KCNH5: variants seen among roughly 807,000 people sequenced by gnomAD.
KCNH5 encodes the protein potassium voltage-gated channel subfamily H member 5.
A neutral mutation model predicts 96.1 loss-of-function variants in KCNH5; 46 were observed. The ratio of observed to expected loss-of-function variants is 0.48; its 90% CI spans 0.38 to 0.61. The LOEUF (loss-of-function observed/expected upper bound fraction) is 0.61. Among genes scored for constraint, KCNH5 ranks in the 20% least tolerant of loss-of-function variants. The probability of loss-of-function intolerance (pLI) is 0.00; values close to 1 mark genes in which losing one functional copy is unlikely to be tolerated. For synonymous variants in KCNH5, 439 were observed against 449.8 expected, an observed-to-expected ratio of 0.98 and a Z score of 0.30; for missense variants, 907 against 1,225.8, an observed-to-expected ratio of 0.74 and a Z score of 3.88.
chr14:62,712,565 A>G, intron 10 of KCNH5: 1 of 704,946 alleles, frequency 1.4e-6, no homozygotes, highest in South Asian at 1.6e-5. Flanking sequence ...AGTCTTAACC[A>G]TTCCACTCTC....
intron 7 of KCNH5, among the ~76,000 whole-genome samples, chr14:62,867,522 C>T (rs1034690406): frequency 1.4e-4 from 21 of 152,190 alleles, no homozygotes; most frequent in African/African-American, 4.6e-4. Context: ...ACCATCCATG[C>T]TCAACCCATC....
At chr14:62,785,700 A>T (rs1244381764) in intron 9 of KCNH5, among the ~76,000 whole-genome samples, 6 of 152,198 alleles carry the variant, frequency 3.9e-5, no homozygotes, top group Non-Finnish European at 8.8e-5. Flanking sequence ...ATTGTTAAAG[A>T]CTCATATAGT....
chr14:62,911,561 A>C (rs1363278891), intron 7 of KCNH5, among the ~76,000 whole-genome samples: 1 of 152,142 alleles, frequency 6.6e-6, no homozygotes, highest in African/African-American at 2.4e-5. Context: ...ATATATTACA[A>C]AGATATAAGA....
intron 7 of KCNH5, among the ~76,000 whole-genome samples, chr14:62,883,500 A>G (rs1391558827): frequency 6.6e-6 from 1 of 152,208 alleles, no homozygotes; most frequent in Non-Finnish European, 1.5e-5. Context: ...ACACTTTAAA[A>G]TCAGGATGCT....
chr14:62,720,040 A>T (rs913285567), intron 10 of KCNH5, among the ~76,000 whole-genome samples: 2 of 152,220 alleles, frequency 1.3e-5, no homozygotes, highest in Non-Finnish European at 2.9e-5. Context: ...AGAAAAATAA[A>T]GTATAAGGAC....
chr14:62,722,344 C>A (rs1884833318), intron 10 of KCNH5, among the ~76,000 whole-genome samples: 1 of 151,892 alleles, frequency 6.6e-6, no homozygotes, highest in Non-Finnish European at 1.5e-5. Context: ...CTAAATACTA[C>A]AAATGGATCA....
intron 7 of KCNH5, among the ~76,000 whole-genome samples, chr14:62,874,972 T>G (rs912557708): frequency 7.1e-6 from 1 of 141,236 alleles, no homozygotes; most frequent in Non-Finnish European, 1.5e-5. Flanking sequence ...CTCCTTAAGC[T>G]GATAAGCAAC....
rs1566682719 is a variant in KCNH5, at chr14:62,853,478, T to TC, written c.1370-3627_1370-3626insG. ...AATCATATATATATATATATATATA[T>TC]ATCATATATATATATAATCTTGGCC... On this transcript the variant is annotated intron_variant, in intron 7 of 10. Transcript: ENST00000322893. 1.6e-4 allele frequency among the ~76,000 whole-genome samples: 16 copies of TC among 101,064 alleles called. 1 individual carries two copies. The highest frequency in any genetic ancestry group is 4.5e-4 in the Admixed American group (4 of 8,936). 66.3% of individuals were successfully genotyped at this position (101,064 alleles called of 152,430 possible).
chr14:63,028,685 G>T (rs1176122223), intron 1 of KCNH5, among the ~76,000 whole-genome samples: 1 of 152,138 alleles, frequency 6.6e-6, no homozygotes, highest in African/African-American at 2.4e-5. Flanking sequence ...ACTGCAGGGA[G>T]AACTAACTCT....
At chr14:62,907,040 C>A (rs953878491) in intron 7 of KCNH5, among the ~76,000 whole-genome samples, 2 of 152,214 alleles carry the variant, frequency 1.3e-5, no homozygotes, top group Non-Finnish European at 1.5e-5. Context: ...CTTAACTTTA[C>A]AATCCCAATC....
At chr14:62,807,246 A>T (rs1417171471) in intron 8 of KCNH5, among the ~76,000 whole-genome samples, 5 of 152,160 alleles carry the variant, frequency 3.3e-5, no homozygotes, top group African/African-American at 1.2e-4. Context: ...GAACCTAAAC[A>T]CAGTAACCCA....
chr14:62,968,590 T>A (rs190654839), intron 6 of KCNH5, among the ~76,000 whole-genome samples: 2 of 152,320 alleles, frequency 1.3e-5, no homozygotes, highest in Non-Finnish European at 2.9e-5. Context: ...CCCTATAGTC[T>A]GTGAGAAGAA....
At chr14:62,777,270 G>A (rs1886116844) in intron 10 of KCNH5, among the ~76,000 whole-genome samples, 1 of 152,134 alleles carries the variant, frequency 6.6e-6, no homozygotes, top group African/African-American at 2.4e-5. Flanking sequence ...AAAAATACAG[G>A]TTTTAGAATC....
chr14:62,845,102 C>A (rs147002927), intron 8 of KCNH5, among the ~76,000 whole-genome samples: 15 of 151,454 alleles, frequency 9.9e-5, no homozygotes, highest in Admixed American at 9.2e-4. Flanking sequence ...AATTTGATAA[C>A]CTCTATTTAA....
rs766654524 is a variant in KCNH5, at chr14:62,802,555, C to A, written c.1596G>T (p.Met532Ile). 1 of 1,614,080 alleles carries A rather than the reference C, an allele frequency of 6.2e-7. No individual in the cohort carries two copies. The highest frequency in any genetic ancestry group is 8.5e-7 in the Non-Finnish European group (1 of 1,179,984). ...TTAGATGAACACAGATATCAGCTCTCATGTCCTTGGGACAGATGGAGAGGA... is the reference window on the plus strand; with the variant it reads ...TTAGATGAACACAGATATCAGCTCTAATGTCCTTGGGACAGATGGAGAGGA... The part of the protein sequence containing the change: ...EKVLSICPKD[M>I]RADICVHLNR... The change falls in exon 9 of 11, where the codon ATG (methionine) becomes ATT (isoleucine). Residue 532 changes from methionine to isoleucine, a missense_variant. Physicochemically the swap from Met to Ile is conservative, Grantham distance 10 (BLOSUM62 1). Transcript: ENST00000322893.
At chr14:63,044,124 G>C (rs1385620793) in intron 1 of KCNH5, among the ~76,000 whole-genome samples, 3 of 152,036 alleles carry the variant, frequency 2.0e-5, no homozygotes, top group Non-Finnish European at 4.4e-5. Context: ...TATTCTCCAA[G>C]CAAGAGATGT....
intron 3 of KCNH5, among the ~76,000 whole-genome samples, chr14:63,003,157 G>A (rs1345620652): frequency 1.3e-5 from 2 of 152,034 alleles, no homozygotes; most frequent in Non-Finnish European, 2.9e-5. Context: ...TTCAAATTCT[G>A]GCACAGAGTC....
chr14:62,978,409 G>C lies in KCNH5; in HGVS notation c.942+2463C>G, dbSNP rs141750936. Among the ~76,000 whole-genome samples the C allele has an allele frequency of 6.6e-5, 10 of 152,220 alleles. No homozygotes were observed. The East Asian group carries it at 1.7e-3, about 26-fold the overall frequency. ...CTCAACAGCCTAGTGTTCTAACGTA[G>C]TTTCGGTCTTTGCAGCGTGATAAAT... On this transcript the variant is annotated intron_variant, in intron 6 of 10. Transcript: ENST00000322893.
chr14:62,999,156 T>C (rs935447370), intron 4 of KCNH5, among the ~76,000 whole-genome samples: 4 of 152,140 alleles, frequency 2.6e-5, no homozygotes, highest in African/African-American at 9.7e-5. Context: ...CCACCAACAG[T>C]GTAAAAGTGT....
Sources: allele counts gnomAD v4.1 joint callset (sites outside exome capture counted in the v4.1 genomes callset), GRCh38; gene constraint gnomAD v4.1.1; transcripts MANE v1.5; gene names NCBI Gene and HGNC (gene_info 2026-07-23, HGNC 2026-07-21).